PHEX: variants seen among roughly 807,000 people sequenced by gnomAD.
The protein encoded by PHEX is phosphate-regulating neutral endopeptidase PHEX.
A neutral mutation model predicts 68.0 loss-of-function variants in PHEX; 16 were observed. That is an observed-to-expected ratio of 0.24 (90% CI 0.16 to 0.36). The LOEUF (loss-of-function observed/expected upper bound fraction) is 0.36, where lower values mean the gene tolerates loss of function less well. Ranked by LOEUF, PHEX falls within the 10% of genes least tolerant of loss-of-function variation. The probability of loss-of-function intolerance (pLI) is 1.00; values close to 1 mark genes in which losing one functional copy is unlikely to be tolerated. For missense variants in PHEX, 480 were observed against 575.5 expected (o/e 0.83, Z 1.70); for synonymous variants, 208 against 205.1 (o/e 1.01, Z -0.12).
At chrX:22,186,945 A>C (rs1934050665) in intron 14 of PHEX, among the ~76,000 whole-genome samples, 1 of 111,906 alleles carries the variant, frequency 8.9e-6, no homozygotes. Flanking sequence ...AATACACGTT[A>C]TCTTTTGTAT....
intron 12 of PHEX, among the ~76,000 whole-genome samples, chrX:22,167,461 C>T (rs182877740): frequency 9.8e-4 from 104 of 105,610 alleles, no homozygotes; most frequent in Non-Finnish European, 1.4e-3. Context: ...TGTATTTTCA[C>T]GTTATTTTCC....
At chrX:22,084,411 T>A (rs902037841) in intron 5 of PHEX, among the ~76,000 whole-genome samples, 7 of 111,826 alleles carry the variant, frequency 6.3e-5, no homozygotes, top group Non-Finnish European at 1.3e-4. Flanking sequence ...TTGTTGATAA[T>A]TTTTGCATCT....
chrX:22,153,820 G>T (rs1253058611), intron 12 of PHEX, among the ~76,000 whole-genome samples: 5 of 111,794 alleles, frequency 4.5e-5, no homozygotes, highest in Non-Finnish European at 5.6e-5. Flanking sequence ...TTTCAAACTG[G>T]ATTGCGTGCT....
intron 20 of PHEX, among the ~76,000 whole-genome samples, chrX:22,230,247 T>G (rs1274598499): frequency 3.3e-5 from 3 of 91,431 alleles, no homozygotes; most frequent in African/African-American, 1.2e-4. Flanking sequence ...TTTTTTTTTT[T>G]TTTTTTTTTT....
At chrX:22,114,376 G>A (rs1021339306) in intron 10 of PHEX, 82 bp from the exon 11 acceptor site, 57 of 933,224 alleles carry the variant, frequency 6.1e-5, no homozygotes, top group Non-Finnish European at 8.5e-5. Context: ...TTTGTAGACT[G>A]TTTTCTTCAG....
chrX:22,136,808 T>C (rs1426290023), intron 12 of PHEX, among the ~76,000 whole-genome samples: 2 of 112,073 alleles, frequency 1.8e-5, no homozygotes, highest in Non-Finnish European at 3.8e-5. Flanking sequence ...AGGATGCCTC[T>C]GCTCCCGTGA....
At chrX:22,126,035 T>G (rs936002666) in intron 11 of PHEX, among the ~76,000 whole-genome samples, 16 of 112,269 alleles carry the variant, frequency 1.4e-4, no homozygotes, top group Admixed American at 1.1e-3. Context: ...TTGATCAGCT[T>G]GTATTTACTG....
At chrX:22,193,501 A>G (rs921510858) in intron 15 of PHEX, among the ~76,000 whole-genome samples, 1 of 111,563 alleles carries the variant, frequency 9.0e-6, no homozygotes, top group Admixed American at 9.5e-5. Flanking sequence ...TATGTTGTTT[A>G]TTTTTACTTG....
chrX:22,108,484 C>A (rs1930801913), intron 9 of PHEX, among the ~76,000 whole-genome samples: 2 of 110,495 alleles, frequency 1.8e-5, no homozygotes. Context: ...TAACCAAAAA[C>A]CATTTACATC....
In PHEX at chrX:22,170,070, C is replaced by T. The variant is rs753574295; in HGVS notation, c.1482+1681C>T. Among the ~76,000 whole-genome samples the T allele has an allele frequency of 2.8e-4, 31 of 111,968 alleles. No individual in the cohort carries two copies. In the South Asian group the frequency reaches 0.011, roughly 39 times the overall value. ...GATCCTTAATAGAAATAGACTCAAG[C>T]GTGAATTTCTACCAATTTTGGAAAT... is the stretch of plus-strand genomic sequence containing the variant. On this transcript the variant is annotated intron_variant, in intron 13 of 21. Coordinates refer to ENST00000379374, the MANE Select transcript of PHEX (RefSeq NM_000444.6).
chrX:22,061,588 GT>G (rs1337166546), intron 3 of PHEX, among the ~76,000 whole-genome samples: 1 of 111,385 alleles, frequency 9.0e-6, no homozygotes, highest in Non-Finnish European at 1.9e-5. Context: ...AATATCATTA[GT>G]TATCATTTAT....
At chrX:22,094,125 CTTTCCTTTACTTTCTTTTCT>C (rs751793274) in intron 7 of PHEX, 26 bp downstream of exon 7, 20 of 814,540 alleles carry the variant, frequency 2.5e-5, no homozygotes, top group East Asian at 6.5e-5. Flanking sequence ...AAATCTCTTT[CTTTCCTTTACTTTCTTTTCT>C]TTTCCTTTAC....
At chrX:22,109,657 T>TTATTAGTC (rs776852243) in intron 9 of PHEX, among the ~76,000 whole-genome samples, 191 of 111,645 alleles carry the variant, frequency 1.7e-3, no homozygotes, top group African/African-American at 6.0e-3. Context: ...GGAATGTGTG[T>TTATTAGTC]TATTAGTCAC....
rs767126405 is a variant in PHEX, at chrX:22,085,556, C to G, written c.664-4873C>G. 6.1e-4 allele frequency among the ~76,000 whole-genome samples: 56 copies of G among 92,018 alleles called. 2 individuals are homozygous for G. In the Admixed American group the frequency reaches 6.6e-3, roughly 11 times the overall value. The allele number at this position is 92,018 out of a possible 115,157, so 79.9% of individuals were successfully genotyped here. ...TGCCACTGCACTCCAGCCTGGGCAA[C>G]AAAGCGAGACTCCATCTCAAAAAAA... On this transcript the variant is annotated intron_variant, in intron 5 of 21. Coordinates refer to ENST00000379374, the MANE Select transcript of PHEX (RefSeq NM_000444.6).
intron 14 of PHEX, among the ~76,000 whole-genome samples, chrX:22,183,848 C>A (rs1033330194): frequency 8.9e-6 from 1 of 111,855 alleles, no homozygotes; most frequent in Non-Finnish European, 1.9e-5. Context: ...TGTCATTATT[C>A]ATTTAGTTGT....
At chrX:22,176,541 G>A (rs902252171) in intron 13 of PHEX, among the ~76,000 whole-genome samples, 2 of 108,206 alleles carry the variant, frequency 1.8e-5, no homozygotes, top group South Asian at 8.1e-4. Flanking sequence ...TATTAGCTTT[G>A]TACATGCACA....
intron 9 of PHEX, among the ~76,000 whole-genome samples, chrX:22,102,062 G>A (rs2147050596): frequency 8.9e-6 from 1 of 111,819 alleles, no homozygotes; most frequent in Admixed American, 9.5e-5. Flanking sequence ...TTTGTCCTTT[G>A]TGTTACAAGC....
intron 5 of PHEX, among the ~76,000 whole-genome samples, chrX:22,079,611 C>A (rs60489891): frequency 1.9e-5 from 2 of 108,063 alleles, no homozygotes; most frequent in Admixed American, 9.9e-5. Context: ...AAAAAAAAAA[C>A]AGTTGGTCTT....
At chrX:22,196,227 A>C (rs776251287) in intron 15 of PHEX, among the ~76,000 whole-genome samples, 6 of 112,312 alleles carry the variant, frequency 5.3e-5, no homozygotes, top group African/African-American at 1.9e-4. Flanking sequence ...GTGACACCTC[A>C]AAATAAATAG....
Sources: gnomAD v4.1 joint callset for allele counts (sites outside exome capture counted in the v4.1 genomes callset) on GRCh38, gnomAD v4.1.1 for gene constraint, MANE v1.5 for transcripts, NCBI Gene and HGNC (gene_info 2026-07-23, HGNC 2026-07-21) for gene names.